The following PTPRE variants were observed in gnomAD, a reference collection of about 807,000 sequenced individuals.
The protein encoded by PTPRE is protein tyrosine phosphatase receptor type E, also known as receptor-type tyrosine-protein phosphatase epsilon.
A neutral mutation model predicts 102.0 loss-of-function variants in PTPRE; 51 were observed. The observed-to-expected ratio is 0.50, with a 90% CI of 0.40 to 0.63. The LOEUF is 0.63. Ranked by LOEUF, PTPRE falls within the 30% of genes least tolerant of loss-of-function variation. PTPRE has a pLI of 0.00. For missense variants in PTPRE, 752 were observed against 915.1 expected, an observed-to-expected ratio of 0.82 and a Z score of 2.30; for synonymous variants, 345 against 348.2, an observed-to-expected ratio of 0.99 and a Z score of 0.10.
chr10:128,024,488 G>A lies in PTPRE; in HGVS notation c.-7-16387G>A, dbSNP rs530407014. ...AATCCAGATAGACTTAATTCTCACA[G>A]GATAAGCTCTTTACTTTTTATTCAT... On this transcript the variant is annotated intron_variant, in intron 2 of 20. Transcript: ENST00000254667. 1.3e-4 allele frequency among the ~76,000 whole-genome samples: 20 copies of A among 152,322 alleles called. 1 individual carries two copies. The South Asian group carries it at 4.1e-3, about 32-fold the overall frequency.
chr10:127,953,030 C>A (rs1849151288), intron 1 of PTPRE, among the ~76,000 whole-genome samples: 1 of 152,148 alleles, frequency 6.6e-6, no homozygotes, highest in Non-Finnish European at 1.5e-5. Flanking sequence ...GTATCTGGCC[C>A]CTCCTACAAT....
intron 1 of PTPRE, among the ~76,000 whole-genome samples, chr10:127,943,330 C>G (rs1458460413): frequency 6.6e-6 from 1 of 152,196 alleles, no homozygotes; most frequent in Non-Finnish European, 1.5e-5. Context: ...CTGCCAGTCT[C>G]TCACACTCCC....
intron 7 of PTPRE, 84 bp from the exon 8 acceptor site, chr10:128,060,855 A>G (rs983611697): frequency 7.4e-7 from 1 of 1,350,134 alleles, no homozygotes; most frequent in South Asian, 1.2e-5. Context: ...CTGCAGATGA[A>G]GAGACAGCAC....
chr10:127,938,880 A>T (rs1589781766), intron 1 of PTPRE, among the ~76,000 whole-genome samples: 1 of 152,234 alleles, frequency 6.6e-6, no homozygotes, highest in East Asian at 1.9e-4. Flanking sequence ...GGACCCTGAC[A>T]ATCCCAGGGC....
intron 1 of PTPRE, among the ~76,000 whole-genome samples, chr10:127,946,548 G>A (rs1466384710): frequency 8.9e-6 from 1 of 112,716 alleles, no homozygotes; most frequent in Non-Finnish European, 2.0e-5. Flanking sequence ...AGGCTGGCAG[G>A]GAGGGATTTC....
intron 2 of PTPRE, among the ~76,000 whole-genome samples, chr10:128,034,331 C>CT (rs1300936208): frequency 6.6e-6 from 1 of 151,784 alleles, no homozygotes; most frequent in Non-Finnish European, 1.5e-5. Flanking sequence ...CACCACCCCC[C>CT]CCACCGACAC....
intron 2 of PTPRE, among the ~76,000 whole-genome samples, chr10:128,033,800 T>C (rs974622228): frequency 2.0e-5 from 3 of 152,128 alleles, no homozygotes; most frequent in African/African-American, 7.2e-5. Context: ...GTGCACCACA[T>C]CACCCATCTA....
intron 1 of PTPRE, among the ~76,000 whole-genome samples, chr10:127,945,540 C>T (rs1208786417): frequency 2.0e-5 from 3 of 152,214 alleles, no homozygotes; most frequent in South Asian, 2.1e-4. Context: ...GAGCGTGTGT[C>T]ACCTTCCTCT....
intron 2 of PTPRE, among the ~76,000 whole-genome samples, chr10:128,037,893 G>A (rs1003403118): frequency 2.0e-5 from 3 of 151,640 alleles, no homozygotes; most frequent in African/African-American, 7.3e-5. Context: ...CTGGGTTCAA[G>A]CAATTCTCTG....
At chr10:127,922,416 C>T (rs909298172) in intron 1 of PTPRE, among the ~76,000 whole-genome samples, 1 of 152,218 alleles carries the variant, frequency 6.6e-6, no homozygotes, top group Non-Finnish European at 1.5e-5. Context: ...GCTCTGGAGA[C>T]TCCGTGGGGC....
intron 1 of PTPRE, 43 bp from the exon 2 acceptor site, chr10:127,982,231 G>A: frequency 8.2e-7 from 1 of 1,216,168 alleles, no homozygotes; most frequent in Non-Finnish European, 1.1e-6. Flanking sequence ...GCCAACTCCT[G>A]TTAACCAGAA....
chr10:128,068,771 G>A (rs1482312781), intron 12 of PTPRE: 1 of 152,552 alleles, frequency 6.6e-6, no homozygotes, highest in Admixed American at 6.5e-5. Context: ...CTCGCCAGCT[G>A]CCACTTCAGC....
chr10:128,077,347 T>C (rs1312295626), intron 18 of PTPRE, among the ~76,000 whole-genome samples: 1 of 152,220 alleles, frequency 6.6e-6, no homozygotes, highest in Non-Finnish European at 1.5e-5. Context: ...AAGGATCCCG[T>C]AGGGGTTGGG....
chr10:128,039,892 G>C (rs1269553187), intron 2 of PTPRE, among the ~76,000 whole-genome samples: 1 of 152,164 alleles, frequency 6.6e-6, no homozygotes, highest in African/African-American at 2.4e-5. Flanking sequence ...TCTAGTGAGG[G>C]GTTTCCACAG....
In PTPRE at chr10:127,926,855, A is replaced by G. The variant is rs185382828; in HGVS notation, c.-31+19546A>G. On this transcript the variant is annotated intron_variant, in intron 1 of 20. Transcript: ENST00000254667. ...GAGATAGAGTCTTACTCTGTCACCC[A>G]GGCTGGAGTGCAGTGGTGTGATCTC... is the stretch of plus-strand genomic sequence containing the variant. 2.4e-5 allele frequency among the ~76,000 whole-genome samples: 3 copies of G among 127,304 alleles called. No homozygotes were observed. In the East Asian group the frequency reaches 7.3e-4, roughly 31 times the overall value. The allele number at this position is 127,304 out of a possible 152,430, so 83.5% of individuals were successfully genotyped here.
intron 1 of PTPRE, among the ~76,000 whole-genome samples, chr10:127,928,392 C>A (rs1296163724): frequency 1.3e-5 from 2 of 152,160 alleles, no homozygotes; most frequent in African/African-American, 4.8e-5. Context: ...GCTTGGAATT[C>A]CTGAGCGGGA....
At chr10:128,039,253 G>A (rs1847472138) in intron 2 of PTPRE, among the ~76,000 whole-genome samples, 1 of 152,240 alleles carries the variant, frequency 6.6e-6, no homozygotes, top group African/African-American at 2.4e-5. Context: ...CAGCGGGGGT[G>A]AGGGCTTCTG....
At position 128,058,774 on chromosome 10, in the gene PTPRE, C is replaced by T. The variant is rs529467059; in HGVS notation, c.512-2165C>T. On this transcript the variant is annotated intron_variant, in intron 7 of 20. Transcript: ENST00000254667. ...GCCCCTAGTATCACTTAGGGTGGGA[C>T]TGAGAGTCACCTGGGGGAGAGGAGA... is the stretch of plus-strand genomic sequence containing the variant. Among the ~76,000 whole-genome samples the T allele has an allele frequency of 6.0e-3, 914 of 152,180 alleles. 13 individuals carry two copies. The highest frequency in any genetic ancestry group is 0.021 in the African/African-American group (888 of 41,510).
At chr10:128,045,869 C>CA (rs1337355030) in intron 3 of PTPRE, among the ~76,000 whole-genome samples, 1 of 152,190 alleles carries the variant, frequency 6.6e-6, no homozygotes, top group Non-Finnish European at 1.5e-5. Flanking sequence ...GGGTCACAGA[C>CA]ACCTGAGTGT....
Sources: gnomAD v4.1 joint callset for allele counts (sites outside exome capture counted in the v4.1 genomes callset) on GRCh38, gnomAD v4.1.1 for gene constraint, MANE v1.5 for transcripts, NCBI Gene and HGNC (gene_info 2026-07-23, HGNC 2026-07-21) for gene names.